SCAPER: variants seen among roughly 807,000 people sequenced by gnomAD.
SCAPER encodes the protein S-phase cyclin A associated protein in the ER.
A neutral mutation model predicts 182.2 loss-of-function variants in SCAPER; 98 were observed. The ratio of observed to expected loss-of-function variants is 0.54; its 90% CI spans 0.46 to 0.64. The LOEUF (loss-of-function observed/expected upper bound fraction) is 0.64. Ranked by LOEUF, SCAPER falls within the 30% of genes least tolerant of loss-of-function variation. The pLI, the probability that SCAPER is intolerant of heterozygous loss-of-function variation, is 0.00. For missense variants in SCAPER, 1,432 were observed against 1,690.0 expected (o/e 0.85, Z 2.68); for synonymous variants, 605 against 564.6 (o/e 1.07, Z -1.01).
intron 4 of SCAPER, among the ~76,000 whole-genome samples, chr15:76,843,146 G>C (rs190515375): frequency 1.3e-5 from 2 of 152,038 alleles, no homozygotes; most frequent in South Asian, 2.1e-4. Context: ...TCATAATCAT[G>C]AGTAATTAAA....
Position 76,864,086 on chromosome 15 carries a change from T to G in SCAPER, c.7-1553A>C, listed in dbSNP as rs552290961. On this transcript the variant is annotated intron_variant, in intron 2 of 31. Coordinates refer to ENST00000563290, the MANE Select transcript of SCAPER (RefSeq NM_020843.4). Reference sequence around the variant, plus strand: ...ACATCACATCACAAAAATCACCCAGTCAACTCACAGAATGAGATAATAGGA... The same window carrying G: ...ACATCACATCACAAAAATCACCCAGGCAACTCACAGAATGAGATAATAGGA... 6.6e-5 allele frequency among the ~76,000 whole-genome samples: 10 copies of G among 152,196 alleles called. No homozygotes were observed. In the South Asian group the frequency reaches 2.1e-3, roughly 32 times the overall value.
rs145560861 is a variant in SCAPER at position 76,718,556 on chromosome 15, A to G, written c.2165+10039T>C. Among the ~76,000 whole-genome samples, 1,236 of 152,038 alleles carry G rather than the reference A, an allele frequency of 8.1e-3. 13 individuals are homozygous for G. The highest frequency in any genetic ancestry group is 0.028 in the African/African-American group (1,172 of 41,496). On this transcript the variant is annotated intron_variant, in intron 17 of 31. Transcript: ENST00000563290. ...CTCGGGTGGCTGAAGCACAAGAATC[A>G]CTTGAACCTGGGAAGTGGAGGCTGC...
At chr15:76,853,049 C>A (rs761087931) in intron 4 of SCAPER, among the ~76,000 whole-genome samples, 4 of 152,172 alleles carry the variant, frequency 2.6e-5, no homozygotes, top group East Asian at 3.9e-4. Flanking sequence ...GCTATGAACA[C>A]CTCTGTGCAT....
chr15:76,656,810 T>C (rs2055677847), intron 21 of SCAPER, among the ~76,000 whole-genome samples: 1 of 151,792 alleles, frequency 6.6e-6, no homozygotes, highest in Admixed American at 6.6e-5. Context: ...GAGTAAACAA[T>C]AAAATTAAAG....
At chr15:76,847,162 G>A (rs1185459214) in intron 4 of SCAPER, among the ~76,000 whole-genome samples, 11 of 152,108 alleles carry the variant, frequency 7.2e-5, no homozygotes, top group Admixed American at 5.2e-4. Flanking sequence ...TGCACTCAGA[G>A]AAAATAGAAT....
chr15:76,535,293 G>C (rs1168005961), intron 23 of SCAPER, among the ~76,000 whole-genome samples: 1 of 151,944 alleles, frequency 6.6e-6, no homozygotes, highest in Non-Finnish European at 1.5e-5. Context: ...GGAGGCCGAG[G>C]CGGGCGGATC....
chr15:76,572,105 G>A (rs759006247), intron 23 of SCAPER, among the ~76,000 whole-genome samples: 6 of 151,922 alleles, frequency 3.9e-5, no homozygotes, highest in Non-Finnish European at 7.4e-5. Context: ...AGAAATCAGT[G>A]GTATTTCAGT....
intron 21 of SCAPER, among the ~76,000 whole-genome samples, chr15:76,634,387 G>A (rs1413436080): frequency 2.6e-5 from 4 of 152,078 alleles, no homozygotes; most frequent in South Asian, 2.1e-4. Context: ...ATCCTTCTTG[G>A]TGGGAGCTGC....
chr15:76,721,911 C>T (rs1195452193), intron 17 of SCAPER, among the ~76,000 whole-genome samples: 1 of 152,106 alleles, frequency 6.6e-6, no homozygotes, highest in East Asian at 1.9e-4. Flanking sequence ...AATTGAATGC[C>T]CTTTATTTCC....
chr15:76,765,175 T>C (rs1364061224), intron 13 of SCAPER, 103 bp from the exon 14 acceptor site: 4 of 1,062,774 alleles, frequency 3.8e-6, no homozygotes, highest in Non-Finnish European at 5.4e-6. Context: ...ACAAAACTAA[T>C]TTTGGCCCAA....
intron 23 of SCAPER, among the ~76,000 whole-genome samples, chr15:76,558,587 T>G (rs972154218): frequency 6.6e-6 from 1 of 152,196 alleles, no homozygotes; most frequent in African/African-American, 2.4e-5. Context: ...GAAAGTAAGT[T>G]AGTTCAGCCA....
Position 76,771,827 on chromosome 15 carries a change from G to A in SCAPER, c.1163C>T (p.Thr388Ile). The stretch of plus-strand genomic sequence containing the variant: ...TTCTTCATTTACTTGTAAAGGAGGT[G>A]TACCAGCTTGCAGCATAACTGAAAC... ...ECVSVMLQAG[T>I]PPLQVNEEKF... Residue 388 changes from threonine (T) to isoleucine (I), a missense_variant, in exon 10 of 32, where the codon ACA (threonine) becomes ATA (isoleucine). Thr to Ile is a moderately conservative substitution (Grantham distance 89, BLOSUM62 -1). This residue lies in a region of SCAPER where 480 missense variants were observed against 510.2 expected (regional missense o/e 0.94). Transcript: ENST00000563290. 6.2e-7 allele frequency: 1 copy of A among 1,613,182 alleles called. No homozygotes were observed. Among genetic ancestry groups the A allele is most frequent in the South Asian group, 1.1e-5 (1 of 91,064 alleles).
chr15:76,642,643 C>G (rs562119479), intron 21 of SCAPER, among the ~76,000 whole-genome samples: 2 of 152,264 alleles, frequency 1.3e-5, no homozygotes, highest in African/African-American at 4.8e-5. Flanking sequence ...CAAATTTTCC[C>G]AAATGACCCA....
At chr15:76,848,665 C>G (rs568105372) in intron 4 of SCAPER, among the ~76,000 whole-genome samples, 1 of 152,062 alleles carries the variant, frequency 6.6e-6, no homozygotes, top group Admixed American at 6.5e-5. Flanking sequence ...CTGAGATAAT[C>G]GTTTATTATA....
At chr15:76,582,434 T>C (rs1321999419) in intron 22 of SCAPER, among the ~76,000 whole-genome samples, 1 of 152,150 alleles carries the variant, frequency 6.6e-6, no homozygotes, top group Admixed American at 6.5e-5. Flanking sequence ...ACAACACTGA[T>C]GTAAGAAACT....
intron 20 of SCAPER, among the ~76,000 whole-genome samples, chr15:76,691,800 T>A (rs2058375535): frequency 6.6e-6 from 1 of 152,128 alleles, no homozygotes; most frequent in Non-Finnish European, 1.5e-5. Context: ...TCTGTACACA[T>A]GATATCACCA....
At chr15:76,624,242 C>T (rs2052368486) in intron 21 of SCAPER, among the ~76,000 whole-genome samples, 1 of 152,146 alleles carries the variant, frequency 6.6e-6, no homozygotes, top group African/African-American at 2.4e-5. Flanking sequence ...CATTTCTATA[C>T]ACCGATAACA....
chr15:76,361,325 A>G (rs894281967), intron 29 of SCAPER, among the ~76,000 whole-genome samples: 1 of 152,214 alleles, frequency 6.6e-6, no homozygotes, highest in Admixed American at 6.5e-5. Context: ...AGATGAGTCC[A>G]TTCATCAAAT....
At chr15:76,621,285 G>A (rs2052024605) in intron 22 of SCAPER, among the ~76,000 whole-genome samples, 1 of 152,182 alleles carries the variant, frequency 6.6e-6, no homozygotes, top group African/African-American at 2.4e-5. Context: ...CAATGGTGAA[G>A]TCTAAATTCT....
Sources: allele counts gnomAD v4.1 joint callset (sites outside exome capture counted in the v4.1 genomes callset), GRCh38; gene constraint gnomAD v4.1.1; regional missense constraint gnomAD v4.1.1; transcripts MANE v1.5; gene names NCBI Gene and HGNC (gene_info 2026-07-23, HGNC 2026-07-21).